The following HCRTR2 variants were observed in gnomAD, a reference collection of about 807,000 sequenced individuals.
HCRTR2 encodes orexin receptor type 2.
Under a neutral mutation model 49.0 loss-of-function variants are expected in HCRTR2, and 22 were observed. That is an observed-to-expected ratio of 0.45 (90% confidence interval 0.32 to 0.64). The LOEUF (loss-of-function observed/expected upper bound fraction) is 0.64. Among genes scored for constraint, HCRTR2 ranks in the 30% least tolerant of loss-of-function variants. The pLI is 0.04. For synonymous variants in HCRTR2, 236 were observed against 205.3 expected (o/e 1.15, Z -1.28); for missense variants, 491 against 559.4 (o/e 0.88, Z 1.23).
intron 1 of HCRTR2, among the ~76,000 whole-genome samples, chr6:55,180,296 TTA>T (rs1451221070): frequency 6.6e-6 from 1 of 152,242 alleles, no homozygotes; most frequent in Non-Finnish European, 1.5e-5. Context: ...TGGTCCATGC[TTA>T]TTCCATTACT....
chr6:55,126,948 G>C (rs1310037774), intron 1 of HCRTR2, among the ~76,000 whole-genome samples: 4 of 152,126 alleles, frequency 2.6e-5, no homozygotes, highest in African/African-American at 7.2e-5. Flanking sequence ...GTTGATCTCA[G>C]ACTGCTGCTG....
At chr6:55,228,037 G>A (rs1165511938) in intron 1 of HCRTR2, among the ~76,000 whole-genome samples, 1 of 152,144 alleles carries the variant, frequency 6.6e-6, no homozygotes, top group East Asian at 1.9e-4. Flanking sequence ...CAAACAGACA[G>A]TGAGGGAGGA....
At chr6:55,168,474 C>T (rs1764906985) in intron 1 of HCRTR2, among the ~76,000 whole-genome samples, 1 of 152,180 alleles carries the variant, frequency 6.6e-6, no homozygotes, top group Non-Finnish European at 1.5e-5. Flanking sequence ...CCTGACAACT[C>T]TGCTTAAACA....
In HCRTR2 at chr6:55,181,491, G is replaced by C. The variant is rs539926779; in HGVS notation, c.223+6681G>C. 3.7e-3 allele frequency among the ~76,000 whole-genome samples: 556 copies of C among 152,010 alleles called. 6 individuals are homozygous for C. The highest frequency in any genetic ancestry group is 0.013 in the African/African-American group (526 of 41,456). ...AAATGTTTAGAGATTATTATTATTG[G>C]GTCTTTACAAGTAATTTGCCTTCAA... On this transcript the variant is annotated intron_variant, in intron 1 of 6. Transcript: ENST00000370862.
chr6:55,192,413 G>GCGCACACACA (rs139180472), intron 1 of HCRTR2, among the ~76,000 whole-genome samples: 10,850 of 128,368 alleles, frequency 0.085, 553 homozygotes, highest in East Asian at 0.31. Context: ...GCGCGCGCGC[G>GCGCACACACA]CACACACACA....
At position 55,106,546 on chromosome 6, in the gene HCRTR2, G is replaced by A. The variant is rs1223903570; in HGVS notation, c.-378+1G>A. 6.6e-6 allele frequency: 1 copy of A among 151,978 alleles called. No homozygotes were observed. Among genetic ancestry groups the A allele is most frequent in the Admixed American group, 6.6e-5 (1 of 15,236 alleles). The allele number at this position is 151,978 out of a possible 1,614,324, so 9.4% of individuals were successfully genotyped here. A position where few individuals can be genotyped will look rare whatever the true frequency, so the allele number is the denominator to read the frequency against. ...TGAAGGTGGAATTTGAGCATTCAAG[G>A]TATGTACTTTAATTCATTTACTCTA... is the stretch of plus-strand genomic sequence containing the variant. On this transcript the variant is annotated splice_donor_variant, in intron 1 of 7. Coordinates refer to the HCRTR2 transcript ENST00000615358. LOFTEE classifies it low-confidence loss of function (5UTR_SPLICE).
intron 1 of HCRTR2, among the ~76,000 whole-genome samples, chr6:55,168,822 A>G (rs778393169): frequency 1.1e-4 from 16 of 152,080 alleles, no homozygotes; most frequent in Non-Finnish European, 2.2e-4. Context: ...TCTTCCTCCT[A>G]GATTTGTGAA....
At chr6:55,125,232 T>G (rs997627361) in intron 1 of HCRTR2, among the ~76,000 whole-genome samples, 1 of 152,284 alleles carries the variant, frequency 6.6e-6, no homozygotes, top group East Asian at 1.9e-4. Context: ...ATTTGGTATG[T>G]TTTTGCAGTG....
intron 2 of HCRTR2, among the ~76,000 whole-genome samples, chr6:55,253,476 A>T (rs189780333): frequency 6.6e-6 from 1 of 152,318 alleles, no homozygotes; most frequent in Non-Finnish European, 1.5e-5. Context: ...TAACCAGGAC[A>T]GAAAAATAGA....
At chr6:55,211,888 T>C (rs886314260) in intron 1 of HCRTR2, among the ~76,000 whole-genome samples, 17 of 152,164 alleles carry the variant, frequency 1.1e-4, no homozygotes, top group African/African-American at 4.1e-4. Context: ...TGTTTTATTG[T>C]TAGTATTTGA....
chr6:55,268,049 TC>T (rs1271759522), intron 4 of HCRTR2, among the ~76,000 whole-genome samples: 1 of 152,134 alleles, frequency 6.6e-6, no homozygotes, highest in Non-Finnish European at 1.5e-5. Context: ...CAGATGTAGT[TC>T]AAAAAAGGAG....
At chr6:55,273,241 ATGTAAGGGGATTAT>A (rs1461996487) in intron 4 of HCRTR2, among the ~76,000 whole-genome samples, 2 of 152,036 alleles carry the variant, frequency 1.3e-5, no homozygotes, top group Non-Finnish European at 2.9e-5. Flanking sequence ...GAACAGGGAA[ATGTAAGGGGATTAT>A]TGTTTCATAG....
intron 1 of HCRTR2, among the ~76,000 whole-genome samples, chr6:55,183,706 A>G (rs959569440): frequency 6.6e-6 from 1 of 151,372 alleles, no homozygotes; most frequent in Non-Finnish European, 1.5e-5. Context: ...TTTAATGAAA[A>G]CAAACAAACA....
intron 1 of HCRTR2, among the ~76,000 whole-genome samples, chr6:55,165,792 C>G (rs954223773): frequency 1.6e-5 from 2 of 122,006 alleles, no homozygotes; most frequent in African/African-American, 6.8e-5. Flanking sequence ...TATATATACT[C>G]TTACACCTCA....
intron 1 of HCRTR2, among the ~76,000 whole-genome samples, chr6:55,216,993 T>C (rs189159230): frequency 9.8e-5 from 15 of 152,298 alleles, no homozygotes; most frequent in Non-Finnish European, 1.5e-4. Context: ...AGGTGGACAC[T>C]GCCAAGGCTT....
intron 5 of HCRTR2, among the ~76,000 whole-genome samples, chr6:55,278,726 TA>T (rs1300363752): frequency 1.5e-5 from 2 of 133,688 alleles, no homozygotes; most frequent in Non-Finnish European, 1.5e-5. Flanking sequence ...TGCTTCTTAT[TA>T]ATTATTATTA....
intron 1 of HCRTR2, among the ~76,000 whole-genome samples, chr6:55,188,982 A>G (rs929421904): frequency 6.6e-6 from 1 of 152,224 alleles, no homozygotes; most frequent in African/African-American, 2.4e-5. Flanking sequence ...GCTTGAAGAC[A>G]CAAAAATAAT....
chr6:55,263,639 G>T, intron 3 of HCRTR2, 68 bp from the exon 4 acceptor site: 1 of 803,420 alleles, frequency 1.2e-6, no homozygotes, highest in South Asian at 1.4e-5. Context: ...GAAAAGCATT[G>T]ACATGTATCT....
chr6:55,217,646 G>A (rs976340568), intron 1 of HCRTR2, among the ~76,000 whole-genome samples: 6 of 151,936 alleles, frequency 3.9e-5, no homozygotes, highest in African/African-American at 7.3e-5. Context: ...ACCTCATAAC[G>A]GCCTTCATTG....
Sources: allele counts gnomAD v4.1 joint callset (sites outside exome capture counted in the v4.1 genomes callset), GRCh38; gene constraint gnomAD v4.1.1; transcripts MANE v1.5; gene names NCBI Gene and HGNC (gene_info 2026-07-23, HGNC 2026-07-21).